TMPRSS15: variants seen among roughly 807,000 people sequenced by gnomAD.
TMPRSS15 encodes transmembrane serine protease 15.
In TMPRSS15, 128 loss-of-function variants were observed where a neutral mutation model predicts 125.3. That is an observed-to-expected ratio of 1.02 (90% CI 0.89 to 1.18). The LOEUF is 1.18. TMPRSS15 is among the 50% of genes most tolerant of loss of function. The pLI is 0.00. For synonymous variants in TMPRSS15, 446 were observed against 423.2 expected (o/e 1.05, Z -0.66); for missense variants, 1,283 against 1,212.7 (o/e 1.06, Z -0.86).
At chr21:18,276,406 AC>A (rs2074620703) in intron 23 of TMPRSS15, among the ~76,000 whole-genome samples, 1 of 152,212 alleles carries the variant, frequency 6.6e-6, no homozygotes, top group Non-Finnish European at 1.5e-5. Flanking sequence ...TTACTAGATA[AC>A]TTTTCAAGTT....
At chr21:18,351,500 T>C (rs2075568345) in intron 10 of TMPRSS15, among the ~76,000 whole-genome samples, 1 of 152,142 alleles carries the variant, frequency 6.6e-6, no homozygotes, top group African/African-American at 2.4e-5. Flanking sequence ...GTTCTCATAA[T>C]GGTGAGTTCC....
At position 18,275,335 on chromosome 21, in the gene TMPRSS15, AC is replaced by A; in HGVS notation, c.2765del (p.Gly922ValfsTer33). 2 of 1,613,898 alleles carry A rather than the reference AC, an allele frequency of 1.2e-6. No homozygotes were observed. The highest frequency in any genetic ancestry group is 1.1e-5 in the South Asian group (1 of 91,086). On this transcript the variant is annotated frameshift_variant and splice_region_variant, in exon 24 of 25. Coordinates refer to ENST00000284885, the MANE Select transcript of TMPRSS15 (RefSeq NM_002772.3). LOFTEE classifies it high-confidence loss of function. ...IAGWGTVVYQ[G>X]TTANILQEAD... Reference sequence around the variant, plus strand: ...CTTCTTGCAATATGTTTGCAGTAGTACCTGCTCAAAATGGAGAATGCAGCCA... The same window carrying A: ...CTTCTTGCAATATGTTTGCAGTAGTACTGCTCAAAATGGAGAATGCAGCCA...
chr21:18,313,099 T>G, intron 17 of TMPRSS15, 22 bp from the exon 18 acceptor site: 1 of 1,568,526 alleles, frequency 6.4e-7, no homozygotes, highest in Non-Finnish European at 8.8e-7. Context: ...GAGAGCATAA[T>G]GGTAGTTACC....
chr21:18,420,126 A>C (rs2076189146), intron 1 of TMPRSS15, among the ~76,000 whole-genome samples: 4 of 152,232 alleles, frequency 2.6e-5, no homozygotes, highest in Admixed American at 2.6e-4. Context: ...ACTAGACATG[A>C]AAAATTTGAA....
intron 14 of TMPRSS15, among the ~76,000 whole-genome samples, chr21:18,331,607 G>A (rs1250212902): frequency 6.6e-6 from 1 of 151,918 alleles, no homozygotes; most frequent in Non-Finnish European, 1.5e-5. Flanking sequence ...CTGCTTTATT[G>A]GCTCTAGTGT....
Position 18,313,075 on chromosome 21 carries a change from G to A in TMPRSS15, c.2035C>T (p.Arg679Cys), listed in dbSNP as rs780801754. The A allele has an allele frequency of 1.2e-5, 19 of 1,611,494 alleles. No individual in the cohort carries two copies. In the African/African-American group the frequency reaches 1.2e-4, roughly 10 times the overall value. Residue 679 changes from arginine to cysteine, a missense_variant and splice_region_variant, in exon 18 of 25, where the codon CGT becomes TGT. Coordinates refer to ENST00000284885, the MANE Select transcript of TMPRSS15 (RefSeq NM_002772.3). The part of the protein sequence containing the change: ...EDGSDEADCV[R>C]FFNGTTNNNG... ...TTGTTCGTTGTGCCATTGAAAAAAC[G>A]CACTAAAGACACAGAGAGCATAATG...
Position 18,313,725 on chromosome 21 carries a change from C to T in TMPRSS15, c.2033-648G>A, listed in dbSNP as rs1157348631. 7.9e-5 allele frequency among the ~76,000 whole-genome samples: 12 copies of T among 151,488 alleles called. 1 individual carries two copies. The highest frequency in any genetic ancestry group is 2.7e-4 in the African/African-American group (11 of 41,350). ...TAGACAATTTTGCTCTTTTATGTAACCATAAAAATGGAAAATGCAGAGATA... is the reference window on the plus strand; with the variant it reads ...TAGACAATTTTGCTCTTTTATGTAATCATAAAAATGGAAAATGCAGAGATA... On this transcript the variant is annotated intron_variant, in intron 17 of 24. Transcript: ENST00000284885.
chr21:18,286,367 G>T (rs2074764711), intron 21 of TMPRSS15, among the ~76,000 whole-genome samples: 1 of 151,952 alleles, frequency 6.6e-6, no homozygotes, highest in Admixed American at 6.6e-5. Flanking sequence ...TTTAATTCTT[G>T]ACTTCTTCCA....
rs115516965 is a variant in TMPRSS15, at chr21:18,334,594, A to G, written c.1565-2421T>C. 9.1e-3 allele frequency among the ~76,000 whole-genome samples: 1,391 copies of G among 152,286 alleles called. 26 individuals are homozygous for G. Among genetic ancestry groups the G allele is most frequent in the African/African-American group, 0.031 (1,278 of 41,566 alleles). Reference sequence around the variant, plus strand: ...CTTTGCATTACCTGCCATACTTAGTACTGGTTTTCAAGGCAATCTTGTGGA... The same window carrying G: ...CTTTGCATTACCTGCCATACTTAGTGCTGGTTTTCAAGGCAATCTTGTGGA... On this transcript the variant is annotated intron_variant, in intron 13 of 24. Transcript: ENST00000284885.
chr21:18,390,384 A>C lies in TMPRSS15; in HGVS notation c.345-6606T>G, dbSNP rs556066082. 3.3e-5 allele frequency among the ~76,000 whole-genome samples: 5 copies of C among 152,364 alleles called. No individual in the cohort carries two copies. In the East Asian group the frequency reaches 9.6e-4, roughly 29 times the overall value. ...CATAATATTAATAGGATGAAGATTA[A>C]ATGAAAAAATGATAACCTCTAACAT... On this transcript the variant is annotated intron_variant, in intron 3 of 24. Coordinates refer to ENST00000284885, the MANE Select transcript of TMPRSS15 (RefSeq NM_002772.3).
chr21:18,386,822 T>G (rs192217404), intron 3 of TMPRSS15, among the ~76,000 whole-genome samples: 96 of 152,334 alleles, frequency 6.3e-4, no homozygotes, highest in African/African-American at 1.8e-3. Flanking sequence ...CGGTTCAATT[T>G]GACTGAACAC....
At chr21:18,401,410 T>A (rs544532394) in intron 1 of TMPRSS15, among the ~76,000 whole-genome samples, 1 of 152,106 alleles carries the variant, frequency 6.6e-6, no homozygotes, top group Non-Finnish European at 1.5e-5. Flanking sequence ...TAAAAAAGAA[T>A]GAACTCATGT....
chr21:18,378,095 A>T lies in TMPRSS15; in HGVS notation c.532+1188T>A, dbSNP rs575058509. On this transcript the variant is annotated intron_variant, in intron 5 of 24. Coordinates refer to ENST00000284885, the MANE Select transcript of TMPRSS15 (RefSeq NM_002772.3). ...ATTTGATGAACCAATAAACAAATAGAAAAATGGCATTAATTTGGATACTTG... is the reference window on the plus strand; with the variant it reads ...ATTTGATGAACCAATAAACAAATAGTAAAATGGCATTAATTTGGATACTTG... Among the ~76,000 whole-genome samples, 56 of 152,286 alleles carry T rather than the reference A, an allele frequency of 3.7e-4. 1 individual carries two copies. Among genetic ancestry groups the T allele is most frequent in the Admixed American group, 7.9e-4 (12 of 15,280 alleles).
chr21:18,311,926 T>C (rs995665347), intron 18 of TMPRSS15, among the ~76,000 whole-genome samples: 12 of 152,188 alleles, frequency 7.9e-5, no homozygotes, highest in Non-Finnish European at 1.8e-4. Flanking sequence ...ACATAGAGTG[T>C]ATATATAATG....
chr21:18,437,506 A>G (rs2076230519), intron 1 of TMPRSS15, among the ~76,000 whole-genome samples: 1 of 152,220 alleles, frequency 6.6e-6, no homozygotes, highest in African/African-American at 2.4e-5. Flanking sequence ...GCTTCTGCAC[A>G]GCGAAAAAAA....
chr21:18,426,403 A>G (rs763325420), intron 1 of TMPRSS15, among the ~76,000 whole-genome samples: 1 of 152,222 alleles, frequency 6.6e-6, no homozygotes, highest in Non-Finnish European at 1.5e-5. Flanking sequence ...ATGTAAGAGA[A>G]GAAATTTTAT....
In TMPRSS15 at chr21:18,302,263, T is replaced by C. The variant is rs533638895; in HGVS notation, c.2166-4434A>G. On this transcript the variant is annotated intron_variant, in intron 18 of 24. Transcript: ENST00000284885. The stretch of plus-strand genomic sequence containing the variant: ...GAAAAGGCTTTTGGAGAAGGACGGT[T>C]GTTTCTTTTCAGATTGGAGGGAAAG... Among the ~76,000 whole-genome samples, 171 of 152,302 alleles carry C rather than the reference T, an allele frequency of 1.1e-3. 1 individual carries two copies. The highest frequency in any genetic ancestry group is 4.0e-3 in the African/African-American group (165 of 41,568).
chr21:18,453,166 G>C (rs1218130282), intron 1 of TMPRSS15, among the ~76,000 whole-genome samples: 1 of 151,990 alleles, frequency 6.6e-6, no homozygotes, highest in East Asian at 1.9e-4. Flanking sequence ...TTTTTGTATT[G>C]ATGTGTCAGT....
At chr21:18,319,422 ATT>A (rs35796863) in intron 16 of TMPRSS15, among the ~76,000 whole-genome samples, 1,574 of 105,242 alleles carry the variant, frequency 0.015, 25 homozygotes, top group African/African-American at 0.05. Flanking sequence ...TTCTTCACCG[ATT>A]TTTTTTTTTT....
Sources: gnomAD v4.1 joint callset for allele counts (sites outside exome capture counted in the v4.1 genomes callset) on GRCh38, gnomAD v4.1.1 for gene constraint, MANE v1.5 for transcripts, NCBI Gene and HGNC (gene_info 2026-07-23, HGNC 2026-07-21) for gene names.